ZDHHC14: variants seen among roughly 807,000 people sequenced by gnomAD.
The protein encoded by ZDHHC14 is zDHHC palmitoyltransferase 14.
ZDHHC14 carries 16 observed loss-of-function variants against 47.7 expected under a neutral mutation model. The ratio of observed to expected loss-of-function variants is 0.34; its 90% CI spans 0.23 to 0.51. The LOEUF (loss-of-function observed/expected upper bound fraction) is 0.51, where lower values mean the gene tolerates loss of function less well. ZDHHC14 is among the 20% of genes least tolerant of loss of function. ZDHHC14 has a pLI of 0.97. For synonymous variants in ZDHHC14, 293 were observed against 278.9 expected (o/e 1.05, Z -0.50); for missense variants, 515 against 662.5 (o/e 0.78, Z 2.44).
At chr6:157,592,945 G>A (rs1028681801) in intron 2 of ZDHHC14, 43 bp from the exon 3 acceptor site, 5 of 1,559,632 alleles carry the variant, frequency 3.2e-6, no homozygotes, top group African/African-American at 2.8e-5. Flanking sequence ...GAGGCAGAGG[G>A]AGGCTCTGAA....
intron 3 of ZDHHC14, among the ~76,000 whole-genome samples, chr6:157,619,652 G>A (rs1183755983): frequency 1.3e-5 from 2 of 151,860 alleles, no homozygotes; most frequent in African/African-American, 2.4e-5. Flanking sequence ...TAGCATAAAG[G>A]TCACAGCAGT....
intron 1 of ZDHHC14, among the ~76,000 whole-genome samples, chr6:157,515,343 T>C (rs1780644375): frequency 6.6e-6 from 1 of 152,180 alleles, no homozygotes; most frequent in Non-Finnish European, 1.5e-5. Flanking sequence ...GTGTAACTGA[T>C]TGCATTCCAG....
chr6:157,426,415 C>T (rs536602664), intron 1 of ZDHHC14, among the ~76,000 whole-genome samples: 7 of 152,246 alleles, frequency 4.6e-5, no homozygotes, highest in African/African-American at 1.7e-4. Flanking sequence ...TATGGAATGC[C>T]AATGGCATGC....
chr6:157,610,295 G>A (rs1037353710), intron 3 of ZDHHC14, among the ~76,000 whole-genome samples: 4 of 152,258 alleles, frequency 2.6e-5, no homozygotes, highest in Admixed American at 6.5e-5. Flanking sequence ...AGTCAGGCGC[G>A]GTGGCAGGTG....
intron 4 of ZDHHC14, chr6:157,629,792 C>G (rs530907734): frequency 6.6e-6 from 1 of 152,244 alleles, no homozygotes; most frequent in African/African-American, 2.4e-5. Flanking sequence ...GGCACCCTCT[C>G]CCTCTATTTT....
intron 2 of ZDHHC14, among the ~76,000 whole-genome samples, chr6:157,557,856 C>T (rs1782540285): frequency 6.6e-6 from 1 of 152,240 alleles, no homozygotes; most frequent in Non-Finnish European, 1.5e-5. Flanking sequence ...GGACTGCTCT[C>T]ACTTCCGTCA....
Position 157,656,620 on chromosome 6 carries a change from G to C in ZDHHC14, c.1068+2993G>C, listed in dbSNP as rs144144521. Among the ~76,000 whole-genome samples, 279 of 151,018 alleles carry C rather than the reference G, an allele frequency of 1.8e-3. 1 individual carries two copies. Among genetic ancestry groups the C allele is most frequent in the African/African-American group, 6.3e-3 (261 of 41,138 alleles). On this transcript the variant is annotated intron_variant, in intron 8 of 8. Transcript: ENST00000359775. ...CAAAGTGATAGGATTACAGGCATGA[G>C]TCACCGCGCCCAGCCTGGAAAGCTA... is the stretch of plus-strand genomic sequence containing the variant.
chr6:157,394,737 G>A lies in ZDHHC14; in HGVS notation c.245+12471G>A, dbSNP rs184080249. ...TGATGGCCAAAATAACATCATCGTC[G>A]TCTTAACCCACTATATCTTGGGGCA... On this transcript the variant is annotated intron_variant, in intron 1 of 8. Transcript: ENST00000359775. 3.6e-3 allele frequency among the ~76,000 whole-genome samples: 542 copies of A among 152,204 alleles called. 2 individuals carry two copies. Among genetic ancestry groups the A allele is most frequent in the Middle Eastern group, 6.8e-3 (2 of 294 alleles).
chr6:157,663,688 G>A (rs912826219), intron 8 of ZDHHC14, among the ~76,000 whole-genome samples: 5 of 152,154 alleles, frequency 3.3e-5, no homozygotes, highest in Non-Finnish European at 7.3e-5. Context: ...TGGAAAGCAC[G>A]CAAGCAGAGC....
At chr6:157,392,802 G>A (rs1036387102) in intron 1 of ZDHHC14, among the ~76,000 whole-genome samples, 1 of 152,070 alleles carries the variant, frequency 6.6e-6, no homozygotes, top group African/African-American at 2.4e-5. Context: ...AGACCTCCCT[G>A]TCTCCCTCTA....
intron 2 of ZDHHC14, among the ~76,000 whole-genome samples, chr6:157,587,041 T>C (rs1783723933): frequency 6.6e-6 from 1 of 152,258 alleles, no homozygotes; most frequent in Non-Finnish European, 1.5e-5. Context: ...ATAGTTGTAG[T>C]GTTGATACGT....
intron 2 of ZDHHC14, among the ~76,000 whole-genome samples, chr6:157,579,190 GTTTTTTTTTTTTTTT>G (rs1187065924): frequency 1.3e-3 from 81 of 63,966 alleles, no homozygotes; most frequent in Middle Eastern, 0.011. Context: ...TTGATTCTGT[GTTTTTTTTTTTTTTT>G]TTTTTTTTTT....
intron 2 of ZDHHC14, among the ~76,000 whole-genome samples, chr6:157,546,386 T>C (rs1368179222): frequency 6.6e-6 from 1 of 152,066 alleles, no homozygotes; most frequent in Non-Finnish European, 1.5e-5. Flanking sequence ...TAGAAGCCCA[T>C]AATGGCCCCT....
intron 2 of ZDHHC14, among the ~76,000 whole-genome samples, chr6:157,552,048 G>A (rs749420562): frequency 6.6e-6 from 1 of 152,012 alleles, no homozygotes; most frequent in Non-Finnish European, 1.5e-5. Flanking sequence ...GGATTATTTC[G>A]ACGGTTCCAC....
At position 157,659,622 on chromosome 6, in the gene ZDHHC14, C is replaced by T. The variant is rs190848451; in HGVS notation, c.1068+5995C>T. On this transcript the variant is annotated intron_variant, in intron 8 of 8. Coordinates refer to ENST00000359775, the MANE Select transcript of ZDHHC14 (RefSeq NM_024630.3). The stretch of plus-strand genomic sequence containing the variant: ...CACATCATGACCAGCAGTGCCTGGC[C>T]GAAAGGGTCCCGAAGCCCTAACGGT... 2.6e-5 allele frequency among the ~76,000 whole-genome samples: 4 copies of T among 152,236 alleles called. No homozygotes were observed. The East Asian group carries it at 5.8e-4, about 22-fold the overall frequency.
intron 1 of ZDHHC14, among the ~76,000 whole-genome samples, chr6:157,530,004 G>C (rs938535470): frequency 6.6e-6 from 1 of 152,152 alleles, no homozygotes; most frequent in Non-Finnish European, 1.5e-5. Flanking sequence ...ACAATTAGCT[G>C]TGTACATTTC....
At position 157,460,242 on chromosome 6, in the gene ZDHHC14, G is replaced by GC. The variant is rs1779044011; in HGVS notation, c.245+77976_245+77977insC. Among the ~76,000 whole-genome samples the GC allele has an allele frequency of 1.3e-5, 2 of 149,352 alleles. 1 individual carries two copies. Among genetic ancestry groups the GC allele is most frequent in the South Asian group, 4.3e-4 (2 of 4,658 alleles). ...AACAAAAAACAAAACAAAACAAAAT[G>GC]TAAAAAATTAGCCAAGCATGGCGGT... On this transcript the variant is annotated intron_variant, in intron 1 of 8. Transcript: ENST00000359775.
intron 1 of ZDHHC14, among the ~76,000 whole-genome samples, chr6:157,478,746 A>G (rs1779548852): frequency 6.6e-6 from 1 of 152,208 alleles, no homozygotes; most frequent in African/African-American, 2.4e-5. Flanking sequence ...TTATATCCCT[A>G]ACACTTAGAA....
At chr6:157,567,810 C>CAAAA (rs11431689) in intron 2 of ZDHHC14, among the ~76,000 whole-genome samples, 1 of 136,266 alleles carries the variant, frequency 7.3e-6, no homozygotes, top group African/African-American at 2.7e-5. Context: ...GACCCCATCT[C>CAAAA]AAAAAAAAAA....
Sources: allele counts gnomAD v4.1 joint callset (sites outside exome capture counted in the v4.1 genomes callset), GRCh38; gene constraint gnomAD v4.1.1; transcripts MANE v1.5; gene names NCBI Gene and HGNC (gene_info 2026-07-23, HGNC 2026-07-21).